Variants in TVP23B observed in about 807,000 individuals in gnomAD.
TVP23B encodes Golgi apparatus membrane protein TVP23 homolog B.
A neutral mutation model predicts 30.6 loss-of-function variants in TVP23B; 10 were observed. The observed-to-expected ratio is 0.33, with a 90% confidence interval of 0.20 to 0.55. The LOEUF (loss-of-function observed/expected upper bound fraction) is 0.55. TVP23B is among the 20% of genes least tolerant of loss of function. The probability of loss-of-function intolerance (pLI) is 0.91; values close to 1 mark genes in which losing one functional copy is unlikely to be tolerated. For synonymous variants in TVP23B, 67 were observed against 83.1 expected (o/e 0.81, Z 1.06); for missense variants, 153 against 243.2 (o/e 0.63, Z 2.47).
At chr17:18,801,502 G>GA (rs2036166568) in intron 5 of TVP23B, among the ~76,000 whole-genome samples, 2 of 152,206 alleles carry the variant, frequency 1.3e-5, no homozygotes, top group Admixed American at 6.5e-5. Context: ...TGCAGTGCTG[G>GA]GTTTGGTGGC....
At chr17:18,784,021 T>A (rs2035858785) in intron 1 of TVP23B, among the ~76,000 whole-genome samples, 1 of 152,046 alleles carries the variant, frequency 6.6e-6, no homozygotes. Context: ...GGCGGGCACC[T>A]GTAGTCCCAG....
intron 1 of TVP23B, chr17:18,781,629 T>C (rs1395422078): frequency 2.5e-6 from 1 of 400,420 alleles, no homozygotes; most frequent in Non-Finnish European, 4.5e-6. Context: ...CCTGCGGGCC[T>C]CTTAGCTTCC....
chr17:18,786,594 C>T (rs927787949), intron 1 of TVP23B, among the ~76,000 whole-genome samples: 1 of 152,240 alleles, frequency 6.6e-6, no homozygotes, highest in African/African-American at 2.4e-5. Flanking sequence ...TATGATCACA[C>T]CTCAAAGCAA....
intron 1 of TVP23B, among the ~76,000 whole-genome samples, chr17:18,783,101 A>ATTTATTTATTTC (rs2035834957): frequency 8.2e-6 from 1 of 122,612 alleles, no homozygotes; most frequent in Non-Finnish European, 1.8e-5. Flanking sequence ...TGATTGATTG[A>ATTTATTTATTTC]TTGATTCATT....
intron 3 of TVP23B, chr17:18,796,998 C>CA (rs2036086723): frequency 6.4e-6 from 1 of 155,214 alleles, no homozygotes. Context: ...CATTGGTTGT[C>CA]TGCCTCTCTT....
At chr17:18,789,045 A>G (rs986136243) in intron 1 of TVP23B, 33 of 290,062 alleles carry the variant, frequency 1.1e-4, no homozygotes, top group African/African-American at 6.3e-4. Flanking sequence ...GACTTGGGAG[A>G]GAACAGGTGA....
intron 1 of TVP23B, among the ~76,000 whole-genome samples, chr17:18,783,524 C>T (rs190543863): frequency 1.3e-5 from 2 of 152,328 alleles, no homozygotes; most frequent in Admixed American, 1.3e-4. Context: ...ACTATTAAAA[C>T]TCAAATCTTC....
intron 3 of TVP23B, chr17:18,795,692 TTA>T (rs1319466996): frequency 1.3e-5 from 2 of 152,330 alleles, no homozygotes; most frequent in Admixed American, 6.5e-5. Flanking sequence ...TCTGATTGAG[TTA>T]TATGTGTAGT....
chr17:18,790,545 T>G (rs1351436679), intron 2 of TVP23B, among the ~76,000 whole-genome samples: 1 of 152,072 alleles, frequency 6.6e-6, no homozygotes, highest in East Asian at 1.9e-4. Context: ...TTCTGAGGGC[T>G]AAGGAATTCT....
intron 1 of TVP23B, among the ~76,000 whole-genome samples, chr17:18,786,165 T>C (rs1303539422): frequency 6.6e-6 from 1 of 152,200 alleles, no homozygotes; most frequent in East Asian, 1.9e-4. Context: ...ACCATTGTGA[T>C]CACGTCATCT....
intron 1 of TVP23B, among the ~76,000 whole-genome samples, chr17:18,787,518 T>G (rs1027858674): frequency 2.1e-4 from 32 of 152,100 alleles, no homozygotes; most frequent in African/African-American, 7.5e-4. Flanking sequence ...AAATGGAGAT[T>G]CGTCCAAGTG....
chr17:18,789,995 AG>A (rs1164275865), intron 2 of TVP23B, among the ~76,000 whole-genome samples: 1 of 152,234 alleles, frequency 6.6e-6, no homozygotes, highest in East Asian at 1.9e-4. Flanking sequence ...AGGGGTTTGA[AG>A]GTAAATGGGG....
rs1464047757 is a variant in TVP23B at position 18,805,548 on chromosome 17, G to C, written c.599G>C (p.Gly200Ala). Residue 200 changes from glycine (G) to alanine (A), a missense_variant, in exon 7 of 7, where the codon GGA becomes GCA. Transcript: ENST00000307767. ...TTTTTTTGTCTTTTGCAGAACACTG[G>C]AGATGATCAGACTTCCTGAATAGAG... ...FGKQFLRQNT[G>A]DDQTS 2 of 1,607,484 alleles carry C rather than the reference G, an allele frequency of 1.2e-6. No individual in the cohort carries two copies.
At chr17:18,789,102 T>C (rs1257715255) in intron 1 of TVP23B, 2 of 507,976 alleles carry the variant, frequency 3.9e-6, no homozygotes, top group Non-Finnish European at 7.0e-6. Context: ...ACCCTAGAGT[T>C]TTCTCAGATG....
chr17:18,804,060 C>T, intron 5 of TVP23B, 78 bp from the exon 6 acceptor site: 1 of 1,209,940 alleles, frequency 8.3e-7, no homozygotes, highest in South Asian at 1.4e-5. Context: ...TCATGACAGT[C>T]TGCCTTGTCT....
At chr17:18,801,031 A>G (rs1230451123) in intron 5 of TVP23B, among the ~76,000 whole-genome samples, 5 of 152,258 alleles carry the variant, frequency 3.3e-5, no homozygotes, top group Admixed American at 2.6e-4. Context: ...ACAGTAAAAA[A>G]TACAACAGGG....
intron 4 of TVP23B, among the ~76,000 whole-genome samples, chr17:18,797,968 G>A (rs1651805548): frequency 6.6e-6 from 1 of 150,892 alleles, no homozygotes; most frequent in African/African-American, 2.4e-5. Flanking sequence ...CTTTGTTAGT[G>A]TCTCCATAAA....
chr17:18,787,628 A>G (rs2035928467), intron 1 of TVP23B, among the ~76,000 whole-genome samples: 1 of 152,194 alleles, frequency 6.6e-6, no homozygotes, highest in Non-Finnish European at 1.5e-5. Context: ...TGAGCAGGGC[A>G]TGAGGAAGGG....
chr17:18,805,814 C>G lies in TVP23B; in HGVS notation c.*247C>G. On this transcript the variant is annotated 3_prime_UTR_variant, in exon 7 of 7. Coordinates refer to ENST00000307767, the MANE Select transcript of TVP23B (RefSeq NM_016078.6). The stretch of plus-strand genomic sequence containing the variant: ...AGATTTGTTCTGTGGTGTAGGTATG[C>G]ACATTCCATAGGTATGCACACGGCC... The G allele has an allele frequency of 7.3e-7, 1 of 1,373,842 alleles. No homozygotes were observed. The highest frequency in any genetic ancestry group is 9.4e-7 in the Non-Finnish European group (1 of 1,063,928). The allele number at this position is 1,373,842 out of a possible 1,614,324, so 85.1% of individuals were successfully genotyped here. A position where few individuals can be genotyped will look rare whatever the true frequency, so the allele number is the denominator to read the frequency against.
Sources: allele counts gnomAD v4.1 joint callset (sites outside exome capture counted in the v4.1 genomes callset), GRCh38; gene constraint gnomAD v4.1.1; transcripts MANE v1.5; gene names NCBI Gene and HGNC (gene_info 2026-07-23, HGNC 2026-07-21).